The following SPOCK1 variants were observed in gnomAD, a reference collection of about 807,000 sequenced individuals.
SPOCK1 encodes the protein SPARC (osteonectin), cwcv and kazal like domains proteoglycan 1.
In SPOCK1, 23 loss-of-function variants were observed where a neutral mutation model predicts 55.3. The ratio of observed to expected loss-of-function variants is 0.42; its 90% CI spans 0.30 to 0.59. SPOCK1 has a LOEUF of 0.59. Among genes scored for constraint, SPOCK1 ranks in the 20% least tolerant of loss-of-function variants. The probability of loss-of-function intolerance (pLI) is 0.22; values close to 1 mark genes in which losing one functional copy is unlikely to be tolerated. For synonymous variants in SPOCK1, 226 were observed against 221.0 expected, an observed-to-expected ratio of 1.02 and a Z score of -0.20; for missense variants, 499 against 552.5, an observed-to-expected ratio of 0.90 and a Z score of 0.97.
intron 6 of SPOCK1, among the ~76,000 whole-genome samples, chr5:137,021,738 T>G (rs1051469288): frequency 6.6e-6 from 1 of 152,156 alleles, no homozygotes; most frequent in Non-Finnish European, 1.5e-5. Context: ...TTGTTCAACA[T>G]CCTTGGAACT....
chr5:137,161,615 A>G (rs1754559300), intron 3 of SPOCK1, among the ~76,000 whole-genome samples: 1 of 152,136 alleles, frequency 6.6e-6, no homozygotes, highest in Non-Finnish European at 1.5e-5. Context: ...CCTATTTTAT[A>G]TAAATATTTT....
chr5:137,107,366 G>C (rs1753388928), intron 5 of SPOCK1, among the ~76,000 whole-genome samples: 1 of 152,198 alleles, frequency 6.6e-6, no homozygotes, highest in Non-Finnish European at 1.5e-5. Flanking sequence ...GAGTAGTTAA[G>C]AAATTACTAC....
intron 5 of SPOCK1, among the ~76,000 whole-genome samples, chr5:137,105,912 C>T (rs1753358845): frequency 6.6e-6 from 1 of 152,076 alleles, no homozygotes. Flanking sequence ...GCTTGGTCGC[C>T]GATTACCAGC....
At chr5:137,287,950 C>T (rs1757298618) in intron 2 of SPOCK1, among the ~76,000 whole-genome samples, 1 of 152,134 alleles carries the variant, frequency 6.6e-6, no homozygotes, top group Non-Finnish European at 1.5e-5. Flanking sequence ...AGTCCCATTA[C>T]AAGAGGTAAT....
At chr5:137,355,702 C>T (rs1343210079) in intron 2 of SPOCK1, among the ~76,000 whole-genome samples, 5 of 152,220 alleles carry the variant, frequency 3.3e-5, no homozygotes, top group East Asian at 1.9e-4. Context: ...GGACCTGAGC[C>T]GTTCCAGATG....
chr5:137,151,762 T>G (rs960769513), intron 3 of SPOCK1, among the ~76,000 whole-genome samples: 3 of 152,202 alleles, frequency 2.0e-5, no homozygotes, highest in African/African-American at 7.2e-5. Context: ...TCTGCAAAGT[T>G]CAAAGCTTGT....
chr5:137,018,744 CCTCT>C (rs1241466971), intron 6 of SPOCK1, among the ~76,000 whole-genome samples: 1 of 151,680 alleles, frequency 6.6e-6, no homozygotes, highest in Non-Finnish European at 1.5e-5. Context: ...TGTAATTATT[CCTCT>C]CTCTTTTTTC....
intron 6 of SPOCK1, among the ~76,000 whole-genome samples, chr5:137,026,472 CT>C (rs1459832585): frequency 1.3e-5 from 2 of 152,222 alleles, no homozygotes; most frequent in Admixed American, 6.5e-5. Context: ...AGCAGATTGT[CT>C]TTGGGCTTGA....
chr5:137,144,774 G>C (rs1434657), intron 3 of SPOCK1, among the ~76,000 whole-genome samples: 35,044 of 152,052 alleles, frequency 0.23, 4,433 homozygotes, highest in Non-Finnish European at 0.28. Flanking sequence ...GCATTTGAGA[G>C]GCCTTTTAAT....
intron 3 of SPOCK1, among the ~76,000 whole-genome samples, chr5:137,233,725 T>TC (rs1239774866): frequency 1.4e-5 from 2 of 146,046 alleles, no homozygotes. Flanking sequence ...TTTTTTTTTT[T>TC]TTTTTTTTTT....
intron 2 of SPOCK1, among the ~76,000 whole-genome samples, chr5:137,489,662 C>A (rs1754133681): frequency 6.6e-6 from 1 of 152,226 alleles, no homozygotes; most frequent in African/African-American, 2.4e-5. Context: ...GCAGTTGACT[C>A]ATTCCCCTGC....
chr5:137,111,846 T>C (rs1230355804), intron 5 of SPOCK1, among the ~76,000 whole-genome samples: 1 of 152,134 alleles, frequency 6.6e-6, no homozygotes, highest in Non-Finnish European at 1.5e-5. Flanking sequence ...TCCCAGCCCC[T>C]TTTTCTGTGA....
intron 2 of SPOCK1, among the ~76,000 whole-genome samples, chr5:137,356,108 C>T (rs1436190617): frequency 6.6e-6 from 1 of 152,184 alleles, no homozygotes; most frequent in East Asian, 1.9e-4. Flanking sequence ...TCAACTGAGT[C>T]AAAGCACACC....
chr5:137,489,141 G>A (rs907488111), intron 2 of SPOCK1, among the ~76,000 whole-genome samples: 1 of 152,106 alleles, frequency 6.6e-6, no homozygotes, highest in Non-Finnish European at 1.5e-5. Flanking sequence ...GGAACAATGG[G>A]CAGACTCAGA....
intron 5 of SPOCK1, among the ~76,000 whole-genome samples, chr5:137,105,666 T>C (rs1753349772): frequency 6.6e-6 from 1 of 152,138 alleles, no homozygotes; most frequent in Non-Finnish European, 1.5e-5. Flanking sequence ...AAAAATAATA[T>C]AATCTGCAGC....
chr5:137,256,433 T>G (rs995916617), intron 3 of SPOCK1, among the ~76,000 whole-genome samples: 1 of 152,190 alleles, frequency 6.6e-6, no homozygotes, highest in African/African-American at 2.4e-5. Flanking sequence ...GGGCTGCATC[T>G]GGTGAGGGCC....
chr5:137,408,649 AC>A (rs1752148436), intron 2 of SPOCK1, among the ~76,000 whole-genome samples: 1 of 152,110 alleles, frequency 6.6e-6, no homozygotes, highest in African/African-American at 2.4e-5. Context: ...CCCTCTCTGG[AC>A]CCCATTTACT....
chr5:137,171,000 G>A (rs1212802398), intron 3 of SPOCK1, among the ~76,000 whole-genome samples: 2 of 152,110 alleles, frequency 1.3e-5, no homozygotes, highest in Non-Finnish European at 2.9e-5. Flanking sequence ...TTAACCAGGT[G>A]AGAGACTGTC....
At chr5:137,125,986 A>G (rs1227250882) in intron 4 of SPOCK1, among the ~76,000 whole-genome samples, 1 of 152,188 alleles carries the variant, frequency 6.6e-6, no homozygotes, top group East Asian at 1.9e-4. Flanking sequence ...ATATTGGTAG[A>G]AATTGGATAG....
Sources: allele counts gnomAD v4.1 joint callset (sites outside exome capture counted in the v4.1 genomes callset), GRCh38; gene constraint gnomAD v4.1.1; transcripts MANE v1.5; gene names NCBI Gene and HGNC (gene_info 2026-07-23, HGNC 2026-07-21).